Variants in AASS observed in about 807,000 individuals in gnomAD.
The protein encoded by AASS is aminoadipate-semialdehyde synthase.
AASS carries 86 observed loss-of-function variants against 105.4 expected under a neutral mutation model. The observed-to-expected ratio is 0.82, with a 90% CI of 0.69 to 0.98. The LOEUF is 0.98. AASS is among the 50% of genes least tolerant of loss of function. The pLI is 0.00. For synonymous variants in AASS, 381 were observed against 394.8 expected (o/e 0.96, Z 0.41); for missense variants, 1,048 against 1,143.2 (o/e 0.92, Z 1.20).
chr7:122,130,471 ACTTTGCTAAGCT>A (rs1322433047), intron 2 of AASS, among the ~76,000 whole-genome samples: 1 of 151,998 alleles, frequency 6.6e-6, no homozygotes, highest in Non-Finnish European at 1.5e-5. Flanking sequence ...AATTACATGT[ACTTTGCTAAGCT>A]CTTTGCATGA....
At chr7:122,079,490 C>G (rs1793202034) in intron 21 of AASS, 107 bp downstream of exon 21, 1 of 1,091,648 alleles carries the variant, frequency 9.2e-7, no homozygotes, top group Non-Finnish European at 1.4e-6. Flanking sequence ...CACATTAGAG[C>G]AACGAATTAA....
At chr7:122,076,669 T>A (rs542512380) in intron 23 of AASS, 62 bp from the exon 24 acceptor site, 9 of 1,251,846 alleles carry the variant, frequency 7.2e-6, no homozygotes, top group African/African-American at 3.0e-5. Flanking sequence ...AATTTCCCCA[T>A]CAAGAGTCTC....
chr7:122,102,959 A>G (rs1361743760), intron 11 of AASS, among the ~76,000 whole-genome samples: 1 of 152,108 alleles, frequency 6.6e-6, no homozygotes, highest in African/African-American at 2.4e-5. Flanking sequence ...AATTAACAAA[A>G]ATGATTCTAA....
At chr7:122,142,934 A>C (rs898783683) in intron 1 of AASS, among the ~76,000 whole-genome samples, 52 of 152,338 alleles carry the variant, frequency 3.4e-4, no homozygotes, top group Non-Finnish European at 3.1e-4. Context: ...TAACAAGTGA[A>C]ACTGATAACA....
intron 11 of AASS, among the ~76,000 whole-genome samples, chr7:122,103,695 A>C (rs532405457): frequency 1.3e-5 from 2 of 152,106 alleles, no homozygotes; most frequent in East Asian, 3.9e-4. Flanking sequence ...AAAGATGAAA[A>C]TTGTGACATC....
At chr7:122,093,181 T>G in intron 15 of AASS, 23 bp from the exon 16 acceptor site, 1 of 1,535,406 alleles carries the variant, frequency 6.5e-7, no homozygotes, top group African/African-American at 1.4e-5. Flanking sequence ...AAGAAACTAA[T>G]CAGAAACTCC....
At chr7:122,113,429 A>ATG (rs1174884316) in intron 10 of AASS, among the ~76,000 whole-genome samples, 169 bp downstream of exon 10, 1 of 152,176 alleles carries the variant, frequency 6.6e-6, no homozygotes, top group African/African-American at 2.4e-5. Flanking sequence ...ATATTTGTGT[A>ATG]TGTGTGTGTG....
chr7:122,096,776 T>G (rs1276119956), intron 15 of AASS, among the ~76,000 whole-genome samples: 1 of 152,164 alleles, frequency 6.6e-6, no homozygotes, highest in Non-Finnish European at 1.5e-5. Flanking sequence ...GGCCACTAGT[T>G]TGCTAAATTT....
At position 122,113,518 on chromosome 7, in the gene AASS, T is replaced by C. The variant is rs548035901; in HGVS notation, c.1166+80A>G. The C allele has an allele frequency of 6.4e-6, 10 of 1,553,954 alleles. No individual in the cohort carries two copies. The Admixed American group carries it at 1.7e-4, about 26-fold the overall frequency. On this transcript the variant is annotated intron_variant, in intron 10 of 23. Coordinates refer to ENST00000417368, the MANE Select transcript of AASS (RefSeq NM_005763.4). ...CCAAATTTTCATAACTTCATAAAGA[T>C]GTAAAATACTGAGAATTTTAGAGTA... is the stretch of plus-strand genomic sequence containing the variant.
rs564539285 is a variant in AASS, at chr7:122,098,566, C to A, written c.1539G>T (p.Met513Ile). 1.4e-5 allele frequency: 23 copies of A among 1,608,378 alleles called. No homozygotes were observed. In the South Asian group the frequency reaches 2.2e-4, roughly 15 times the overall value. Reference protein sequence around the residue: ...GNIEITVGSDMKNQIEQLGKK... With the variant: ...GNIEITVGSDIKNQIEQLGKK... ...TGCCTAACTGTTCAATTTGATTCTTCATGTCAGATCCTATTTCAGTAATTA... is the reference window on the plus strand; with the variant it reads ...TGCCTAACTGTTCAATTTGATTCTTAATGTCAGATCCTATTTCAGTAATTA... The change falls in exon 15 of 24, where the codon ATG (methionine) becomes ATT (isoleucine). Residue 513 changes from methionine to isoleucine, a missense_variant. Transcript: ENST00000417368.
intron 1 of AASS, among the ~76,000 whole-genome samples, chr7:122,140,362 G>A (rs1796328156): frequency 6.6e-6 from 1 of 151,522 alleles, no homozygotes; most frequent in Non-Finnish European, 1.5e-5. Context: ...GCGGGCGCCT[G>A]TAGTCCCAGC....
chr7:122,074,900 T>C lies in AASS; in HGVS notation c.*1589A>G, dbSNP rs1792930793. Among the ~76,000 whole-genome samples, 1 of 152,114 alleles carries C rather than the reference T, an allele frequency of 6.6e-6. No individual in the cohort carries two copies. The highest frequency in any genetic ancestry group is 6.6e-5 in the Admixed American group (1 of 15,258). On this transcript the variant is annotated 3_prime_UTR_variant, in exon 24 of 24. Transcript: ENST00000417368. Reference sequence around the variant, plus strand: ...TTTGAGTCAAGGTCTAACTCTGTCATCCAGGCTGGATTGCAGTGACCCAGT... The same window carrying C: ...TTTGAGTCAAGGTCTAACTCTGTCACCCAGGCTGGATTGCAGTGACCCAGT...
chr7:122,107,470 C>T (rs551031009), intron 11 of AASS, among the ~76,000 whole-genome samples: 10 of 152,070 alleles, frequency 6.6e-5, no homozygotes, highest in East Asian at 1.9e-4. Flanking sequence ...CTCATTGGAG[C>T]GCTATTGTAA....
chr7:122,110,949 A>AT (rs750383728), intron 11 of AASS, among the ~76,000 whole-genome samples: 6 of 152,152 alleles, frequency 3.9e-5, no homozygotes, highest in Non-Finnish European at 8.8e-5. Context: ...AATTGACACA[A>AT]TTCACATATT....
At chr7:122,138,357 A>G (rs1467390961) in intron 1 of AASS, among the ~76,000 whole-genome samples, 1 of 152,152 alleles carries the variant, frequency 6.6e-6, no homozygotes, top group African/African-American at 2.4e-5. Flanking sequence ...TTTCCTATAC[A>G]TACATACCTA....
rs1290755535 is a variant in AASS, at chr7:122,098,773, TGATA to T, written c.1496_1499del (p.Leu499Ter). Reference sequence around the variant, plus strand: ...CTGTTATTTCTATATTGCCATCTCTTGATAAATATTCTAATACAGGCTCAGATAT... The same window carrying T: ...CTGTTATTTCTATATTGCCATCTCTTAATATTCTAATACAGGCTCAGATAT... On this transcript the variant is annotated frameshift_variant, in exon 14 of 24. Coordinates refer to ENST00000417368, the MANE Select transcript of AASS (RefSeq NM_005763.4). LOFTEE classifies it high-confidence loss of function. 1 of 1,607,150 alleles carries T rather than the reference TGATA, an allele frequency of 6.2e-7. No homozygotes were observed. Among genetic ancestry groups the T allele is most frequent in the East Asian group, 2.2e-5 (1 of 44,708 alleles).
chr7:122,078,437 C>A (rs965198462), intron 22 of AASS, among the ~76,000 whole-genome samples: 1 of 151,982 alleles, frequency 6.6e-6, no homozygotes, highest in Non-Finnish European at 1.5e-5. Context: ...CATGGTGAAA[C>A]CTTGTCTCTA....
chr7:122,133,653 A>C lies in AASS; in HGVS notation c.74T>G (p.Val25Gly). The C allele has an allele frequency of 1.2e-6, 2 of 1,614,158 alleles. No individual in the cohort carries two copies. The highest frequency in any genetic ancestry group is 2.2e-5 in the East Asian group (1 of 44,870). The change falls in exon 2 of 24, where the codon GTG becomes GGG. Residue 25 changes from valine (V) to glycine (G), a missense_variant. Coordinates refer to ENST00000417368, the MANE Select transcript of AASS (RefSeq NM_005763.4). ...SLSKGLHHKA[V>G]LAVRREDVNA... Reference sequence around the variant, plus strand: ...CACATCCTCCCTCCGGACGGCCAACACAGCTTTGTGGTGAAGACCCTTGGA... The same window carrying C: ...CACATCCTCCCTCCGGACGGCCAACCCAGCTTTGTGGTGAAGACCCTTGGA...
intron 2 of AASS, among the ~76,000 whole-genome samples, chr7:122,131,269 C>A: frequency 1.3e-5 from 2 of 148,332 alleles, no homozygotes; most frequent in South Asian, 2.1e-4. Context: ...GAAACCACAC[C>A]AAAAAAAATT....
Sources: allele counts gnomAD v4.1 joint callset (sites outside exome capture counted in the v4.1 genomes callset), GRCh38; gene constraint gnomAD v4.1.1; transcripts MANE v1.5; gene names NCBI Gene and HGNC (gene_info 2026-07-23, HGNC 2026-07-21).